CACNB4: variants seen among roughly 807,000 people sequenced by gnomAD.
CACNB4 encodes the protein calcium voltage-gated channel auxiliary subunit beta 4.
A neutral mutation model predicts 71.2 loss-of-function variants in CACNB4; 32 were observed. The ratio of observed to expected loss-of-function variants is 0.45; its 90% CI spans 0.34 to 0.60. The LOEUF is 0.60. Among genes scored for constraint, CACNB4 ranks in the 20% least tolerant of loss-of-function variants. The pLI is 0.01. For synonymous variants in CACNB4, 231 were observed against 236.9 expected, an observed-to-expected ratio of 0.97 and a Z score of 0.23; for missense variants, 464 against 647.9, an observed-to-expected ratio of 0.72 and a Z score of 3.08.
chr2:151,856,589 G>A (rs1049918325), intron 10 of CACNB4: 1 of 152,228 alleles, frequency 6.6e-6, no homozygotes, highest in Non-Finnish European at 1.5e-5. Flanking sequence ...TGGGACTACA[G>A]GCATGAGCCA....
intron 2 of CACNB4, among the ~76,000 whole-genome samples, chr2:151,956,597 C>T (rs571307783): frequency 7.9e-5 from 12 of 152,180 alleles, no homozygotes; most frequent in South Asian, 4.2e-4. Flanking sequence ...CTAAATTGGT[C>T]GTGGTGATGA....
intron 2 of CACNB4, among the ~76,000 whole-genome samples, chr2:152,042,864 C>A (rs1684948553): frequency 6.6e-6 from 1 of 152,098 alleles, no homozygotes; most frequent in African/African-American, 2.4e-5. Context: ...GTCACAAAGA[C>A]CTTGCTGATA....
chr2:151,833,053 TA>T lies in CACNB4; in HGVS notation c.*6065del. On this transcript the variant is annotated 3_prime_UTR_variant, in exon 14 of 14. Coordinates refer to ENST00000539935, the MANE Select transcript of CACNB4 (RefSeq NM_000726.5). The stretch of plus-strand genomic sequence containing the variant: ...GCTACACATACCTAGATAAGAAAAA[TA>T]AAAGGGGACAAATTATTAAAATAAA... The T allele has an allele frequency of 6.6e-6, 1 of 151,572 alleles. No individual in the cohort carries two copies. The highest frequency in any genetic ancestry group is 2.1e-4 in the South Asian group (1 of 4,814). The allele number at this position is 151,572 out of a possible 1,614,324, so 9.4% of individuals were successfully genotyped here.
At chr2:152,060,373 T>G (rs892643565) in intron 2 of CACNB4, among the ~76,000 whole-genome samples, 9 of 152,236 alleles carry the variant, frequency 5.9e-5, no homozygotes, top group African/African-American at 2.2e-4. Context: ...GGAGAACCAC[T>G]GCTGAGCTAC....
chr2:151,932,678 T>G (rs968181034), intron 2 of CACNB4, among the ~76,000 whole-genome samples: 1 of 151,824 alleles, frequency 6.6e-6, no homozygotes, highest in Admixed American at 6.6e-5. Context: ...CTACTAAAAC[T>G]ACAAAAATTA....
At chr2:152,008,484 A>G (rs1682859577) in intron 2 of CACNB4, among the ~76,000 whole-genome samples, 1 of 151,552 alleles carries the variant, frequency 6.6e-6, no homozygotes, top group African/African-American at 2.4e-5. Flanking sequence ...ACAGGGTTTC[A>G]CTGTCTCTAC....
Position 152,098,891 on chromosome 2 carries a change from G to A in CACNB4, c.63+58C>T. On this transcript the variant is annotated intron_variant, in intron 1 of 13. Transcript: ENST00000539935. The surrounding 1 kb of genome is among the most constrained non-coding windows in gnomAD (Gnocchi z 5.3). ...CGAAGGCGGGGCGCGCTAGGGCGGC[G>A]GAGGAGGTGTGAGGAAGGAAGAGGA... The A allele has an allele frequency of 7.8e-7, 1 of 1,276,198 alleles. No individual in the cohort carries two copies. Among genetic ancestry groups the A allele is most frequent in the Non-Finnish European group, 1.1e-6 (1 of 938,458 alleles). 79.1% of individuals were successfully genotyped at this position (1,276,198 alleles called of 1,614,324 possible).
intron 9 of CACNB4, 134 bp from the exon 10 acceptor site, chr2:151,860,954 A>G (rs2099841489): frequency 3.2e-6 from 2 of 634,696 alleles, no homozygotes; most frequent in Non-Finnish European, 5.6e-6. Flanking sequence ...ATTGGCCACA[A>G]GTATTTTAAA....
intron 2 of CACNB4, among the ~76,000 whole-genome samples, chr2:151,907,292 A>T (rs1431192294): frequency 3.3e-5 from 5 of 152,290 alleles, no homozygotes; most frequent in Non-Finnish European, 5.9e-5. Context: ...TTATGTTCAT[A>T]TTTTTTCCTG....
At chr2:151,963,640 G>A (rs1306473204) in intron 2 of CACNB4, among the ~76,000 whole-genome samples, 1 of 152,134 alleles carries the variant, frequency 6.6e-6, no homozygotes, top group African/African-American at 2.4e-5. Context: ...AAAAAAGAAT[G>A]TATAATGTAA....
chr2:151,874,073 C>T (rs1473164486), intron 5 of CACNB4: 1 of 152,274 alleles, frequency 6.6e-6, no homozygotes, highest in South Asian at 2.1e-4. Context: ...AGTAAAATCT[C>T]CCTGAGACCT....
chr2:151,875,576 A>C (rs1471142689), intron 5 of CACNB4, among the ~76,000 whole-genome samples: 1 of 148,740 alleles, frequency 6.7e-6, no homozygotes, highest in African/African-American at 2.5e-5. Context: ...GCGGCCGGGC[A>C]GAGGCGCCCC....
intron 2 of CACNB4, among the ~76,000 whole-genome samples, chr2:151,942,899 G>GT (rs2099864627): frequency 6.6e-6 from 1 of 152,204 alleles, no homozygotes; most frequent in African/African-American, 2.4e-5. Flanking sequence ...AAGACAATAT[G>GT]TGCACTGCTG....
intron 2 of CACNB4, among the ~76,000 whole-genome samples, chr2:152,030,148 ACT>A (rs1364023230): frequency 3.9e-5 from 6 of 151,950 alleles, no homozygotes; most frequent in African/African-American, 1.4e-4. Context: ...CACTTTATTC[ACT>A]ATTTAGTTGC....
Position 152,015,182 on chromosome 2 carries a change from G to A in CACNB4, c.147+83148C>T, listed in dbSNP as rs1274337640. Among the ~76,000 whole-genome samples, 2 of 152,008 alleles carry A rather than the reference G, an allele frequency of 1.3e-5. 1 individual carries two copies. The highest frequency in any genetic ancestry group is 6.3e-3 in the Middle Eastern group (2 of 316). Reference sequence around the variant, plus strand: ...GAGTCTCGCTCTGTTGCCCAGGCTGGAGTGCAGTGGCACGATCTCGGCTCA... The same window carrying A: ...GAGTCTCGCTCTGTTGCCCAGGCTGAAGTGCAGTGGCACGATCTCGGCTCA... On this transcript the variant is annotated intron_variant, in intron 2 of 13. Transcript: ENST00000539935.
intron 2 of CACNB4, among the ~76,000 whole-genome samples, chr2:151,900,397 A>G (rs547649166): frequency 2.0e-5 from 3 of 152,254 alleles, no homozygotes; most frequent in Admixed American, 6.5e-5. Context: ...GAACTGTGCC[A>G]TAAGCATCAT....
rs2099847639 is a variant in CACNB4, at chr2:151,880,842, T to C, written c.348A>G (p.Thr116=). ...ALDEDVPVPS[T]AISFDAKDFL... ...AGTCTTTAGCATCAAAGGAGATAGC[T>C]GTGCTTGGAACAGGCACATCCTCGT... The change falls in exon 4 of 14, where the codon ACA becomes ACG. Residue 116 remains threonine, a synonymous_variant. Coordinates refer to ENST00000539935, the MANE Select transcript of CACNB4 (RefSeq NM_000726.5). The C allele has an allele frequency of 1.2e-6, 2 of 1,613,636 alleles. No homozygotes were observed. Among genetic ancestry groups the C allele is most frequent in the African/African-American group, 1.3e-5 (1 of 74,934 alleles).
intron 2 of CACNB4, among the ~76,000 whole-genome samples, chr2:151,921,695 G>A (rs903667155): frequency 6.6e-6 from 1 of 152,112 alleles, no homozygotes; most frequent in Non-Finnish European, 1.5e-5. Context: ...ATGTTGAATT[G>A]TTATTCCCAG....
chr2:151,864,504 A>C (rs576377329), intron 9 of CACNB4, among the ~76,000 whole-genome samples: 3 of 152,340 alleles, frequency 2.0e-5, no homozygotes, highest in Admixed American at 6.5e-5. Flanking sequence ...TCTATATTCT[A>C]TCCTTGCTAC....
Sources: gnomAD v4.1 joint callset for allele counts (sites outside exome capture counted in the v4.1 genomes callset) on GRCh38, gnomAD v4.1.1 for gene constraint, Gnocchi (gnomAD v3.1) non-coding constraint, MANE v1.5 for transcripts, NCBI Gene and HGNC (gene_info 2026-07-23, HGNC 2026-07-21) for gene names.